Variants in CHST12 observed in about 807,000 individuals in gnomAD.
CHST12 encodes the protein carbohydrate (chondroitin 4) sulfotransferase 12.
Under a neutral mutation model 27.9 loss-of-function variants are expected in CHST12, and 23 were observed. That is an observed-to-expected ratio of 0.82 (90% CI 0.59 to 1.17). The LOEUF (loss-of-function observed/expected upper bound fraction) is 1.17. Ranked by LOEUF, CHST12 falls within the 50% of genes most tolerant of loss-of-function variation. The probability of loss-of-function intolerance (pLI) is 0.00; values close to 1 mark genes in which losing one functional copy is unlikely to be tolerated. For synonymous variants in CHST12, 322 were observed against 273.0 expected, an observed-to-expected ratio of 1.18 and a Z score of -1.77; for missense variants, 682 against 603.0, an observed-to-expected ratio of 1.13 and a Z score of -1.37.
intron 1 of CHST12, among the ~76,000 whole-genome samples, chr7:2,405,078 G>C (rs1296191778): frequency 6.6e-6 from 1 of 152,200 alleles, no homozygotes; most frequent in Non-Finnish European, 1.5e-5. Flanking sequence ...ATGTGGAAGT[G>C]AAAGTGATGT....
chr7:2,425,121 C>A (rs1335678648), intron 1 of CHST12, among the ~76,000 whole-genome samples: 1 of 149,624 alleles, frequency 6.7e-6, no homozygotes, highest in African/African-American at 2.5e-5. Context: ...CAGAAAATCG[C>A]ATGAACCCGG....
At position 2,432,948 on chromosome 7, in the gene CHST12, C is replaced by T; in HGVS notation, c.309C>T (p.Gly103=). The T allele has an allele frequency of 6.2e-7, 1 of 1,611,192 alleles. No homozygotes were observed. The highest frequency in any genetic ancestry group is 2.2e-5 in the East Asian group (1 of 44,800). ...GGAGCATGGAGGAGAGCGTGAGAGG[C>T]TACGACTGGTCCCCGCGCGACGCCC... ...APGSMEESVR[G]YDWSPRDARR... is the part of the protein sequence containing the mutation. Residue 103 remains glycine (G), a synonymous_variant, in exon 2 of 2, where the codon GGC becomes GGT. Coordinates refer to ENST00000618655, the MANE Select transcript of CHST12 (RefSeq NM_018641.5).
At chr7:2,421,467 C>T (rs532373808) in intron 1 of CHST12, among the ~76,000 whole-genome samples, 116 of 143,680 alleles carry the variant, frequency 8.1e-4, no homozygotes, top group Non-Finnish European at 1.2e-3. Flanking sequence ...GACGGAGTCT[C>T]GCTCTGTTGC....
At chr7:2,422,959 T>C (rs13222608) in intron 1 of CHST12, among the ~76,000 whole-genome samples, 1 of 151,726 alleles carries the variant, frequency 6.6e-6, no homozygotes, top group Non-Finnish European at 1.5e-5. Flanking sequence ...TCCTGAAAAC[T>C]TGAACAGCAC....
chr7:2,407,791 A>G (rs1444257345), intron 1 of CHST12, among the ~76,000 whole-genome samples: 1 of 152,006 alleles, frequency 6.6e-6, no homozygotes, highest in Non-Finnish European at 1.5e-5. Flanking sequence ...TTAGCCAAGC[A>G]TGGTGGTGGG....
intron 1 of CHST12, among the ~76,000 whole-genome samples, chr7:2,416,184 G>A (rs937331184): frequency 2.0e-5 from 3 of 152,080 alleles, no homozygotes; most frequent in African/African-American, 4.8e-5. Context: ...TCGTTCCTTC[G>A]TAAGAAGCAA....
chr7:2,413,239 C>G (rs1342570521), intron 1 of CHST12, among the ~76,000 whole-genome samples: 2 of 152,220 alleles, frequency 1.3e-5, no homozygotes, highest in East Asian at 1.9e-4. Flanking sequence ...CCCTCCGTGT[C>G]TGTGCGGAAC....
intron 1 of CHST12, among the ~76,000 whole-genome samples, chr7:2,425,896 G>C (rs547699555): frequency 1.3e-5 from 2 of 152,032 alleles, no homozygotes; most frequent in South Asian, 4.2e-4. Context: ...GCAGATTCTG[G>C]GGAGTCTGCA....
At chr7:2,430,980 G>T (rs1782256687) in intron 1 of CHST12, among the ~76,000 whole-genome samples, 1 of 152,220 alleles carries the variant, frequency 6.6e-6, no homozygotes. Flanking sequence ...CTTGTTAGGT[G>T]AGTGTTCTGC....
intron 1 of CHST12, among the ~76,000 whole-genome samples, chr7:2,429,030 A>G (rs1057240195): frequency 4.6e-5 from 7 of 152,166 alleles, no homozygotes; most frequent in Admixed American, 2.0e-4. Context: ...TCCCAGAGCT[A>G]TGAACATCTG....
chr7:2,421,741 T>C (rs1447553982), intron 1 of CHST12, among the ~76,000 whole-genome samples: 2 of 152,004 alleles, frequency 1.3e-5, no homozygotes, highest in Non-Finnish European at 2.9e-5. Context: ...CCAGCCTTTT[T>C]AAACATTTTT....
At chr7:2,410,786 G>A (rs1266971865) in intron 1 of CHST12, among the ~76,000 whole-genome samples, 1 of 152,078 alleles carries the variant, frequency 6.6e-6, no homozygotes, top group Non-Finnish European at 1.5e-5. Flanking sequence ...GAGGGTCGCC[G>A]AGGGGGACTG....
chr7:2,405,207 G>A (rs911113349), intron 1 of CHST12, among the ~76,000 whole-genome samples: 1 of 152,106 alleles, frequency 6.6e-6, no homozygotes, highest in African/African-American at 2.4e-5. Context: ...CACTTTGGGA[G>A]GCAGAGGCGG....
In CHST12 at chr7:2,435,209, C is replaced by G. The variant is rs1416420556; in HGVS notation, c.*1325C>G. 6.6e-6 allele frequency: 1 copy of G among 152,252 alleles called. No individual in the cohort carries two copies. The highest frequency in any genetic ancestry group is 1.5e-5 in the Non-Finnish European group (1 of 68,078). 9.4% of individuals were successfully genotyped at this position (152,252 alleles called of 1,614,324 possible). A position where few individuals can be genotyped will look rare whatever the true frequency, so the allele number is the denominator to read the frequency against. On this transcript the variant is annotated 3_prime_UTR_variant, in exon 2 of 2. Transcript: ENST00000618655. Reference sequence around the variant, plus strand: ...CCAGCCTGGGCAGCAAAGTGAGACTCTGTTTCTAAATAGACAGATAGAAGA... The same window carrying G: ...CCAGCCTGGGCAGCAAAGTGAGACTGTGTTTCTAAATAGACAGATAGAAGA...
In CHST12 at chr7:2,442,489, G is replaced by C. The variant is rs913957186; in HGVS notation, c.*8605G>C. On this transcript the variant is annotated 3_prime_UTR_variant, in exon 2 of 2. Transcript: ENST00000618655. ...GGCCATTCTCCTGCCTCAGCCTCCC[G>C]AGTAGCTGGGACTACAGGTGCCCAC... 1 of 151,860 alleles carries C rather than the reference G, an allele frequency of 6.6e-6. No homozygotes were observed. Among genetic ancestry groups the C allele is most frequent in the Non-Finnish European group, 1.5e-5 (1 of 67,990 alleles). The allele number at this position is 151,860 out of a possible 1,614,324, so 9.4% of individuals were successfully genotyped here. A position where few individuals can be genotyped will look rare whatever the true frequency, so the allele number is the denominator to read the frequency against.
chr7:2,417,713 T>C (rs1781847369), intron 1 of CHST12, among the ~76,000 whole-genome samples: 1 of 152,152 alleles, frequency 6.6e-6, no homozygotes, highest in African/African-American at 2.4e-5. Flanking sequence ...CTGTTGTACT[T>C]GGGCCTTCAG....
At position 2,436,168 on chromosome 7, in the gene CHST12, C is replaced by A. The variant is rs1486190915; in HGVS notation, c.*2284C>A. ...TTTAATTTTAAACGTACCATCTTAACCATTGTTAAGTGCACTGTTGTGTGG... is the reference window on the plus strand; with the variant it reads ...TTTAATTTTAAACGTACCATCTTAAACATTGTTAAGTGCACTGTTGTGTGG... On this transcript the variant is annotated 3_prime_UTR_variant, in exon 2 of 2. Coordinates refer to ENST00000618655, the MANE Select transcript of CHST12 (RefSeq NM_018641.5). 6.6e-6 allele frequency: 1 copy of A among 152,218 alleles called. No homozygotes were observed. Among genetic ancestry groups the A allele is most frequent in the Non-Finnish European group, 1.5e-5 (1 of 68,052 alleles). 9.4% of individuals were successfully genotyped at this position (152,218 alleles called of 1,614,324 possible).
At chr7:2,420,891 G>A (rs1313637780) in intron 1 of CHST12, among the ~76,000 whole-genome samples, 1 of 152,186 alleles carries the variant, frequency 6.6e-6, no homozygotes, top group Admixed American at 6.5e-5. Flanking sequence ...TTAAGACGGA[G>A]TCTCACTGTG....
intron 1 of CHST12, among the ~76,000 whole-genome samples, chr7:2,419,026 T>G (rs1403619132): frequency 1.3e-5 from 2 of 152,144 alleles, no homozygotes; most frequent in Non-Finnish European, 2.9e-5. Flanking sequence ...TTGAACCCCT[T>G]GGCTCAAGCA....
Sources: allele counts gnomAD v4.1 joint callset (sites outside exome capture counted in the v4.1 genomes callset), GRCh38; gene constraint gnomAD v4.1.1; transcripts MANE v1.5; gene names NCBI Gene and HGNC (gene_info 2026-07-23, HGNC 2026-07-21).